MEGF11: variants seen among roughly 807,000 people sequenced by gnomAD.
MEGF11 encodes multiple EGF like domains 11, also known as multiple epidermal growth factor-like domains protein 11.
Under a neutral mutation model 146.6 loss-of-function variants are expected in MEGF11, and 126 were observed. The ratio of observed to expected loss-of-function variants is 0.86; its 90% confidence interval spans 0.74 to 1.00. The LOEUF is 1.00. Ranked by LOEUF, MEGF11 falls within the 50% of genes least tolerant of loss-of-function variation. The pLI is 0.00. For missense variants in MEGF11, 1,509 were observed against 1,521.2 expected (o/e 0.99, Z 0.13); for synonymous variants, 532 against 583.4 (o/e 0.91, Z 1.27).
chr15:65,970,662 G>C lies in MEGF11; in HGVS notation c.790C>G (p.Pro264Ala). Residue 264 changes from proline (P) to alanine (A), a missense_variant, in exon 8 of 26, where the codon CCA (proline) becomes GCA (alanine). Pro to Ala is a conservative substitution (Grantham distance 27). Coordinates refer to ENST00000395614, the MANE Select transcript of MEGF11 (RefSeq NM_001385028.1). ...TGAVCAQPCP[P>A]GTFGQNCSQD... is the part of the protein sequence containing the mutation. ...CTGCAGTTCTGGCCAAATGTCCCTG[G>C]TGGGCAGGGCTGGGCACACACTGCT... 6.2e-7 allele frequency: 1 copy of C among 1,612,786 alleles called. No homozygotes were observed. The highest frequency in any genetic ancestry group is 1.7e-5 in the Admixed American group (1 of 59,830).
In MEGF11 at chr15:65,982,487, G is replaced by A; in HGVS notation, c.396C>T (p.Gly132=). The change falls in exon 6 of 26, where the codon GGC becomes GGT. Residue 132 remains glycine (G), a splice_region_variant and synonymous_variant. Coordinates refer to ENST00000395614, the MANE Select transcript of MEGF11 (RefSeq NM_001385028.1). The surrounding 1 kb of genome is among the most constrained non-coding windows in gnomAD (Gnocchi z 5.6). ...PGWGGPDCSS[G]CDSDHWGPHC... The stretch of plus-strand genomic sequence containing the variant: ...GGGGCCCCCAGTGGTCGCTGTCGCA[G>A]CCTGCAAGAGACGGGACAGTCAGGG... 6.8e-7 allele frequency: 1 copy of A among 1,474,228 alleles called. No individual in the cohort carries two copies. The highest frequency in any genetic ancestry group is 2.4e-5 in the Admixed American group (1 of 41,596). The allele number at this position is 1,474,228 out of a possible 1,614,324, so 91.3% of individuals were successfully genotyped here.
At chr15:65,983,325 A>G (rs1167472798) in intron 5 of MEGF11, among the ~76,000 whole-genome samples, 1 of 152,142 alleles carries the variant, frequency 6.6e-6, no homozygotes, top group Non-Finnish European at 1.5e-5. Context: ...TTCACACTCT[A>G]CGGCTATGGA....
At chr15:66,237,967 G>A (rs917793862) in intron 1 of MEGF11, among the ~76,000 whole-genome samples, 10 of 152,182 alleles carry the variant, frequency 6.6e-5, no homozygotes, top group African/African-American at 7.2e-5. Flanking sequence ...GTATTTGCAC[G>A]GTAATAGAGG....
At position 66,022,470 on chromosome 15, in the gene MEGF11, G is replaced by C. The variant is rs75889568; in HGVS notation, c.395-39982C>G. On this transcript the variant is annotated intron_variant, in intron 5 of 25. Coordinates refer to ENST00000395614, the MANE Select transcript of MEGF11 (RefSeq NM_001385028.1). Reference sequence around the variant, plus strand: ...TGCAGGCACACACACGTATGACTTTGTACATAATTTCAAGGAGTTCATGGT... The same window carrying C: ...TGCAGGCACACACACGTATGACTTTCTACATAATTTCAAGGAGTTCATGGT... Among the ~76,000 whole-genome samples, 840 of 152,308 alleles carry C rather than the reference G, an allele frequency of 5.5e-3. 3 individuals carry two copies. The highest frequency in any genetic ancestry group is 0.011 in the South Asian group (53 of 4,824).
At chr15:66,098,803 A>G (rs772269278) in intron 4 of MEGF11, among the ~76,000 whole-genome samples, 1 of 152,220 alleles carries the variant, frequency 6.6e-6, no homozygotes, top group Non-Finnish European at 1.5e-5. Context: ...GCCATGCCCA[A>G]GGTCACACGG....
At position 65,992,988 on chromosome 15, in the gene MEGF11, C is replaced by G. The variant is rs1277571405; in HGVS notation, c.395-10500G>C. 3.3e-5 allele frequency among the ~76,000 whole-genome samples: 5 copies of G among 152,152 alleles called. No homozygotes were observed. The East Asian group carries it at 9.6e-4, about 29-fold the overall frequency. On this transcript the variant is annotated intron_variant, in intron 5 of 25. Coordinates refer to ENST00000395614, the MANE Select transcript of MEGF11 (RefSeq NM_001385028.1). ...TACTTTGTTCAGAAGAAGGTATTGA[C>G]ACCCAGAGAGCCAGATCACCCATGA...
At chr15:65,917,507 T>C (rs1411062501) in intron 16 of MEGF11, among the ~76,000 whole-genome samples, 1 of 152,174 alleles carries the variant, frequency 6.6e-6, no homozygotes, top group African/African-American at 2.4e-5. Flanking sequence ...GGAAAGGGGC[T>C]GTTCCCTTCA....
At chr15:65,925,978 C>T (rs1371929148) in intron 13 of MEGF11, among the ~76,000 whole-genome samples, 1 of 152,192 alleles carries the variant, frequency 6.6e-6, no homozygotes, top group Non-Finnish European at 1.5e-5. Flanking sequence ...AGACAGGTAC[C>T]ATGGCTTACT....
chr15:65,926,445 CAA>C (rs1022680043), intron 13 of MEGF11, among the ~76,000 whole-genome samples: 1 of 152,220 alleles, frequency 6.6e-6, no homozygotes, highest in African/African-American at 2.4e-5. Flanking sequence ...ATGAATAAGA[CAA>C]AATGCCAACT....
intron 4 of MEGF11, among the ~76,000 whole-genome samples, chr15:66,118,012 C>A (rs1008409412): frequency 6.6e-6 from 1 of 152,180 alleles, no homozygotes; most frequent in Non-Finnish European, 1.5e-5. Context: ...ACCCACTCTG[C>A]CCAAATTTTC....
intron 5 of MEGF11, among the ~76,000 whole-genome samples, chr15:66,012,925 T>G (rs2082756709): frequency 6.6e-6 from 1 of 152,264 alleles, no homozygotes; most frequent in Admixed American, 6.5e-5. Flanking sequence ...GCCAGCCAGC[T>G]GGACCGGGCT....
chr15:66,118,463 G>A (rs2087844218), intron 4 of MEGF11, among the ~76,000 whole-genome samples: 1 of 152,150 alleles, frequency 6.6e-6, no homozygotes, highest in Non-Finnish European at 1.5e-5. Flanking sequence ...CATTTTCTGA[G>A]CTGCTCTAAG....
intron 1 of MEGF11, among the ~76,000 whole-genome samples, chr15:66,241,612 C>T (rs555817094): frequency 1.2e-4 from 18 of 152,156 alleles, no homozygotes; most frequent in East Asian, 1.9e-4. Flanking sequence ...GGCTTTTTTG[C>T]GGGGAGGAGG....
chr15:66,113,219 C>T (rs1428863388), intron 4 of MEGF11, among the ~76,000 whole-genome samples: 2 of 152,182 alleles, frequency 1.3e-5, no homozygotes, highest in East Asian at 3.9e-4. Flanking sequence ...AGACCACCTC[C>T]TAGGGTTGGC....
intron 5 of MEGF11, among the ~76,000 whole-genome samples, chr15:66,003,391 T>G (rs781299805): frequency 6.6e-6 from 1 of 152,026 alleles, no homozygotes; most frequent in Non-Finnish European, 1.5e-5. Context: ...GTTATGGAGG[T>G]TTTCCTTATT....
chr15:66,113,871 ACT>A (rs1451658106), intron 4 of MEGF11, among the ~76,000 whole-genome samples: 4 of 150,232 alleles, frequency 2.7e-5, no homozygotes, highest in East Asian at 1.9e-4. Flanking sequence ...ACAGAGCGAA[ACT>A]CTGTCTCAAA....
intron 17 of MEGF11, 68 bp downstream of exon 17, chr15:65,916,760 G>A: frequency 6.4e-7 from 1 of 1,571,118 alleles, no homozygotes; most frequent in South Asian, 1.2e-5. Flanking sequence ...TCTGGACAAT[G>A]CCCACAGTGG....
chr15:65,961,446 C>A (rs1040270928), intron 9 of MEGF11, among the ~76,000 whole-genome samples: 5 of 152,200 alleles, frequency 3.3e-5, no homozygotes, highest in African/African-American at 4.8e-5. Context: ...TAAATCAAAT[C>A]TTTCAAAGGT....
chr15:66,159,851 G>A (rs2089889213), intron 1 of MEGF11, among the ~76,000 whole-genome samples: 2 of 152,088 alleles, frequency 1.3e-5, no homozygotes, highest in Non-Finnish European at 2.9e-5. Context: ...GACCAGTGAG[G>A]CCCTAGAAGA....
Sources: allele counts gnomAD v4.1 joint callset (sites outside exome capture counted in the v4.1 genomes callset), GRCh38; gene constraint gnomAD v4.1.1; non-coding constraint Gnocchi (gnomAD v3.1); transcripts MANE v1.5; gene names NCBI Gene and HGNC (gene_info 2026-07-23, HGNC 2026-07-21).